ACOX2: variants seen among roughly 807,000 people sequenced by gnomAD.
ACOX2 encodes the protein peroxisomal acyl-coenzyme A oxidase 2.
Under a neutral mutation model 77.5 loss-of-function variants are expected in ACOX2, and 59 were observed. That is an observed-to-expected ratio of 0.76 (90% CI 0.62 to 0.95). The LOEUF (loss-of-function observed/expected upper bound fraction) is 0.95, where lower values mean the gene tolerates loss of function less well. Ranked by LOEUF, ACOX2 falls within the 40% of genes least tolerant of loss-of-function variation. ACOX2 has a pLI of 0.00. For missense variants in ACOX2, 837 were observed against 880.4 expected (o/e 0.95, Z 0.62); for synonymous variants, 317 against 340.1 (o/e 0.93, Z 0.75).
chr3:58,528,722 G>A lies in ACOX2; in HGVS notation c.1155+72C>T. 1 of 1,483,654 alleles carries A rather than the reference G, an allele frequency of 6.7e-7. No individual in the cohort carries two copies. The highest frequency in any genetic ancestry group is 1.4e-5 in the South Asian group (1 of 69,152). The allele number at this position is 1,483,654 out of a possible 1,614,324, so 91.9% of individuals were successfully genotyped here. On this transcript the variant is annotated intron_variant, in intron 9 of 14. Coordinates refer to ENST00000302819, the MANE Select transcript of ACOX2 (RefSeq NM_003500.4). The surrounding 1 kb of genome is among the most constrained non-coding windows in gnomAD (Gnocchi z 5.6). ...TGCCCATGGGGATGGGGCTGTGGCT[G>A]CTCCCCAGTGAGTGGAACAATCTTA... is the stretch of plus-strand genomic sequence containing the variant.
In ACOX2 at chr3:58,520,518, C is replaced by A. The variant is rs1485630945; in HGVS notation, c.1632+1978G>T. 2.0e-5 allele frequency among the ~76,000 whole-genome samples: 3 copies of A among 152,264 alleles called. No individual in the cohort carries two copies. The East Asian group carries it at 5.8e-4, about 29-fold the overall frequency. On this transcript the variant is annotated intron_variant, in intron 12 of 14. Coordinates refer to ENST00000302819, the MANE Select transcript of ACOX2 (RefSeq NM_003500.4). ...AGTTAAAGCCCAGAGAGGGAAGGGG[C>A]TGCTTGAGGTCACACAGAGCTGGGA... is the stretch of plus-strand genomic sequence containing the variant.
In ACOX2 at chr3:58,512,474, AATGCTCAAAACCCTCCCATTCTATCCC is replaced by A. The variant is rs931961242; in HGVS notation, c.1851-3476_1851-3450del. ...AGATTCTTTTAGGTTGTGTCTATCC[AATGCTCAAAACCCTCCCATTCTATCCC>A]ATGCTCAAAACCCTCGCATTCTCTT... is the stretch of plus-strand genomic sequence containing the variant. On this transcript the variant is annotated intron_variant, in intron 13 of 14. Coordinates refer to ENST00000302819, the MANE Select transcript of ACOX2 (RefSeq NM_003500.4). The surrounding 1 kb of genome is among the most constrained non-coding windows in gnomAD (Gnocchi z 4.8). 6.6e-6 allele frequency among the ~76,000 whole-genome samples: 1 copy of A among 152,124 alleles called. No individual in the cohort carries two copies. The highest frequency in any genetic ancestry group is 1.5e-5 in the Non-Finnish European group (1 of 68,020).
intron 12 of ACOX2, 22 bp from the exon 13 acceptor site, chr3:58,517,445 T>A: frequency 6.2e-7 from 1 of 1,607,538 alleles, no homozygotes; most frequent in Non-Finnish European, 8.5e-7. Context: ...CAAAGATATG[T>A]TCTCCTGATT....
intron 12 of ACOX2, among the ~76,000 whole-genome samples, chr3:58,520,791 C>T (rs1384732320): frequency 6.6e-6 from 1 of 152,180 alleles, no homozygotes; most frequent in Admixed American, 6.5e-5. Flanking sequence ...CGTGTTCTTC[C>T]CCCGCAGGCT....
rs2063464687 is a variant in ACOX2, at chr3:58,534,396, CA to C, written c.286del (p.Trp96GlyfsTer2). The C allele has an allele frequency of 1.9e-6, 3 of 1,614,080 alleles. No homozygotes were observed. In the African/African-American group the frequency reaches 4.0e-5, roughly 22 times the overall value. On this transcript the variant is annotated frameshift_variant, in exon 3 of 15. Transcript: ENST00000302819. LOFTEE classifies it high-confidence loss of function. The surrounding 1 kb of genome is among the most constrained non-coding windows in gnomAD (Gnocchi z 4.8). ...HIRLIARRLG[W>X]LEDGRELGYA... ...GCCTAATTCACGACCATCTTCTAACCAACCCAGGCGCCGAGCTATCAACCGG... is the reference window on the plus strand; with the variant it reads ...GCCTAATTCACGACCATCTTCTAACCACCCAGGCGCCGAGCTATCAACCGG...
Position 58,505,265 on chromosome 3 carries a change from A to G in ACOX2, c.2005T>C (p.Tyr669His). Residue 669 changes from tyrosine to histidine, a missense_variant, in exon 15 of 15, where the codon TAT (tyrosine) becomes CAT (histidine). Coordinates refer to ENST00000302819, the MANE Select transcript of ACOX2 (RefSeq NM_003500.4). The surrounding 1 kb of genome is among the most constrained non-coding windows in gnomAD (Gnocchi z 4.4). ...NTQENPAYEE[Y>H]IRPLLQSWRS... Reference sequence around the variant, plus strand: ...CAACTTTGTAAAAGTGGTCTTATATATTCCTCATAGGCAGGGTTCTCCTGT... The same window carrying G: ...CAACTTTGTAAAAGTGGTCTTATATGTTCCTCATAGGCAGGGTTCTCCTGT... 1 of 1,613,016 alleles carries G rather than the reference A, an allele frequency of 6.2e-7. No individual in the cohort carries two copies. The highest frequency in any genetic ancestry group is 8.5e-7 in the Non-Finnish European group (1 of 1,179,542).
chr3:58,528,830 A>T lies in ACOX2; in HGVS notation c.1119T>A (p.Thr373=), dbSNP rs1185752957. ...AGCTGAAGTCTTGGTTCAGAATGGC[A>T]GTGTAGGAGTGCTGGAAGAACTCCA... is the stretch of plus-strand genomic sequence containing the variant. The part of the protein sequence containing the change: ...SLLEFFQHSY[T]AILNQDFSFL... Residue 373 remains threonine (T), a synonymous_variant, in exon 9 of 15, where the codon ACT becomes ACA. Coordinates refer to ENST00000302819, the MANE Select transcript of ACOX2 (RefSeq NM_003500.4). This position sits in a 1 kb window ranked among gnomAD's most constrained non-coding sequence, Gnocchi z 5.6. The T allele has an allele frequency of 6.2e-7, 1 of 1,612,466 alleles. No homozygotes were observed. Among genetic ancestry groups the T allele is most frequent in the Non-Finnish European group, 8.5e-7 (1 of 1,179,224 alleles).
chr3:58,513,840 A>G (rs938491993), intron 13 of ACOX2, among the ~76,000 whole-genome samples: 13 of 152,134 alleles, frequency 8.5e-5, no homozygotes, highest in Non-Finnish European at 1.5e-4. Flanking sequence ...GGGGTTCACT[A>G]TGGAGTGAAT....
At chr3:58,513,299 C>A (rs1335554156) in intron 13 of ACOX2, among the ~76,000 whole-genome samples, 1 of 152,200 alleles carries the variant, frequency 6.6e-6, no homozygotes, top group East Asian at 1.9e-4. Context: ...TCGTATCCTT[C>A]ATTTGAGGAA....
Position 58,535,369 on chromosome 3 carries a change from A to G in ACOX2, c.-91-172T>C, listed in dbSNP as rs1234512544. The G allele has an allele frequency of 1.9e-6, 1 of 520,236 alleles. No homozygotes were observed. Among genetic ancestry groups the G allele is most frequent in the African/African-American group, 1.9e-5 (1 of 52,690 alleles). 32.2% of individuals were successfully genotyped at this position (520,236 alleles called of 1,614,324 possible). ...GCATGGTATGCAGCCATTGCTTGGT[A>G]CATGTTTGTTCAATACTTGTTAGCC... On this transcript the variant is annotated intron_variant, in intron 1 of 14. Transcript: ENST00000302819. This position sits in a 1 kb window ranked among gnomAD's most constrained non-coding sequence, Gnocchi z 4.8.
At position 58,534,006 on chromosome 3, in the gene ACOX2, C is replaced by T. The variant is rs1449082542; in HGVS notation, c.463G>A (p.Glu155Lys). 1 of 1,605,336 alleles carries T rather than the reference C, an allele frequency of 6.2e-7. No homozygotes were observed. Among genetic ancestry groups the T allele is most frequent in the South Asian group, 1.1e-5 (1 of 90,660 alleles). ...IQIIATYAQTELGHGTYLQGL... is the reference protein window; with the variant it reads ...IQIIATYAQTKLGHGTYLQGL... ...AGTCCTAGCTCACCATGTCCCAACT[C>T]TGTCTGTGCATACGTTGCGATGATC... is the stretch of plus-strand genomic sequence containing the variant. Residue 155 changes from glutamate (E) to lysine (K), a missense_variant, in exon 4 of 15, where the codon GAG becomes AAG. Glu to Lys is a moderately conservative substitution (Grantham distance 56, BLOSUM62 1). Coordinates refer to ENST00000302819, the MANE Select transcript of ACOX2 (RefSeq NM_003500.4). The surrounding 1 kb of genome is among the most constrained non-coding windows in gnomAD (Gnocchi z 4.8).
At chr3:58,529,009 C>A in intron 8 of ACOX2, 53 bp from the exon 9 acceptor site, 2 of 1,502,432 alleles carry the variant, frequency 1.3e-6, no homozygotes, top group Non-Finnish European at 1.8e-6. Flanking sequence ...TGTCCACCTT[C>A]CCCTATCCCC....
chr3:58,517,848 GT>G (rs1394160528), intron 12 of ACOX2, among the ~76,000 whole-genome samples: 4 of 152,074 alleles, frequency 2.6e-5, no homozygotes, highest in Non-Finnish European at 4.4e-5. Flanking sequence ...GCCAAGGTGG[GT>G]GGATCACCTG....
At chr3:58,509,130 T>G in intron 13 of ACOX2, 105 bp from the exon 14 acceptor site, 1 of 1,364,120 alleles carries the variant, frequency 7.3e-7, no homozygotes. Context: ...GCATGATTAT[T>G]CGCTTTTCAA....
chr3:58,531,378 T>C lies in ACOX2; in HGVS notation c.704-12A>G, dbSNP rs746046297. Reference sequence around the variant, plus strand: ...CCCAATGATGATTCCTTGAAGGAGATGGAGATGAGGACACCTATCAGTTGA... The same window carrying C: ...CCCAATGATGATTCCTTGAAGGAGACGGAGATGAGGACACCTATCAGTTGA... On this transcript the variant is annotated splice_polypyrimidine_tract_variant and intron_variant, in intron 6 of 14. Coordinates refer to ENST00000302819, the MANE Select transcript of ACOX2 (RefSeq NM_003500.4). This position sits in a 1 kb window ranked among gnomAD's most constrained non-coding sequence, Gnocchi z 5.8. 9.3e-6 allele frequency: 15 copies of C among 1,609,570 alleles called. No individual in the cohort carries two copies. In the East Asian group the frequency reaches 2.9e-4, roughly 31 times the overall value.
At chr3:58,532,510 C>T (rs574079021) in intron 5 of ACOX2, among the ~76,000 whole-genome samples, 1 of 152,048 alleles carries the variant, frequency 6.6e-6, no homozygotes, top group Non-Finnish European at 1.5e-5. Context: ...CTCAGCCTCC[C>T]GAGTAGGTGG....
intron 13 of ACOX2, among the ~76,000 whole-genome samples, chr3:58,511,840 T>C (rs2063290334): frequency 6.6e-6 from 1 of 152,248 alleles, no homozygotes; most frequent in African/African-American, 2.4e-5. Flanking sequence ...ATGCTTATGA[T>C]TTCCAATTTT....
Position 58,534,337 on chromosome 3 carries a change from G to A in ACOX2, c.323+23C>T, listed in dbSNP as rs372671959. 6.8e-6 allele frequency: 11 copies of A among 1,613,322 alleles called. No homozygotes were observed. The highest frequency in any genetic ancestry group is 1.6e-4 in the Middle Eastern group (1 of 6,062). On this transcript the variant is annotated intron_variant, in intron 3 of 14. Transcript: ENST00000302819. The surrounding 1 kb of genome is among the most constrained non-coding windows in gnomAD (Gnocchi z 4.8). ...GATCCCAGGTAGATCCCTCTCTAGT[G>A]GGGCTGCTCGAGGAGTGAGCACCTG...
At chr3:58,508,586 C>T in intron 14 of ACOX2, among the ~76,000 whole-genome samples, 1 of 152,248 alleles carries the variant, frequency 6.6e-6, no homozygotes, top group East Asian at 1.9e-4. Context: ...AGCCGGTTTA[C>T]CACTCTGTGT....
Sources: allele counts gnomAD v4.1 joint callset (sites outside exome capture counted in the v4.1 genomes callset), GRCh38; gene constraint gnomAD v4.1.1; non-coding constraint Gnocchi (gnomAD v3.1); transcripts MANE v1.5; gene names NCBI Gene and HGNC (gene_info 2026-07-23, HGNC 2026-07-21).